UTRN: variants seen among roughly 807,000 people sequenced by gnomAD.
UTRN encodes the protein dystrophin-related protein 1.
In UTRN, 283 loss-of-function variants were observed where a neutral mutation model predicts 463.9. The observed-to-expected ratio is 0.61, with a 90% CI of 0.55 to 0.67. The LOEUF is 0.67. UTRN is among the 30% of genes least tolerant of loss of function. The probability of loss-of-function intolerance (pLI) is 0.00; values close to 1 mark genes in which losing one functional copy is unlikely to be tolerated. For missense variants in UTRN, 3,922 were observed against 4,084.3 expected (o/e 0.96, Z 1.08); for synonymous variants, 1,442 against 1,431.5 (o/e 1.01, Z -0.17).
At chr6:144,349,597 T>G (rs1562279069) in intron 2 of UTRN, among the ~76,000 whole-genome samples, 1 of 152,166 alleles carries the variant, frequency 6.6e-6, no homozygotes, top group Non-Finnish European at 1.5e-5. Context: ...CTCTTTTAGG[T>G]AGAGTCTAGG....
chr6:144,391,590 C>T (rs765418642), intron 2 of UTRN, among the ~76,000 whole-genome samples: 5 of 152,086 alleles, frequency 3.3e-5, no homozygotes, highest in Non-Finnish European at 2.9e-5. Flanking sequence ...CAAGTAGGCT[C>T]GAAAAACAGT....
At chr6:144,630,919 T>TA (rs1046291874) in intron 51 of UTRN, among the ~76,000 whole-genome samples, 22 of 151,962 alleles carry the variant, frequency 1.4e-4, no homozygotes, top group African/African-American at 5.1e-4. Flanking sequence ...CATCTGCATG[T>TA]AAAAAAAAGA....
At chr6:144,539,126 C>G (rs926062325) in intron 44 of UTRN, among the ~76,000 whole-genome samples, 168 bp from the exon 45 acceptor site, 1 of 152,196 alleles carries the variant, frequency 6.6e-6, no homozygotes, top group African/African-American at 2.4e-5. Context: ...CACTCCCTTC[C>G]TAGTTATCAT....
intron 48 of UTRN, among the ~76,000 whole-genome samples, chr6:144,553,492 G>A (rs912560521): frequency 1.3e-5 from 2 of 152,246 alleles, no homozygotes; most frequent in Middle Eastern, 3.4e-3. Flanking sequence ...GATATCCAAA[G>A]CATCTTTCAG....
At chr6:144,403,649 T>C (rs1247730476) in intron 3 of UTRN, among the ~76,000 whole-genome samples, 3 of 152,226 alleles carry the variant, frequency 2.0e-5, no homozygotes, top group Non-Finnish European at 2.9e-5. Flanking sequence ...TGGGTTGTTT[T>C]TTCTTGTGTA....
intron 42 of UTRN, among the ~76,000 whole-genome samples, chr6:144,532,134 CAATAAATAAATA>C (rs34622000): frequency 6.6e-6 from 1 of 151,100 alleles, no homozygotes; most frequent in African/African-American, 2.4e-5. Context: ...AATACTGTGT[CAATAAATAAATA>C]AATAAATAAA....
chr6:144,646,271 T>A (rs1332202837), intron 51 of UTRN, among the ~76,000 whole-genome samples: 1 of 152,208 alleles, frequency 6.6e-6, no homozygotes, highest in Non-Finnish European at 1.5e-5. Context: ...AAGTGTATGA[T>A]GAGTCAACAC....
intron 43 of UTRN, 39 bp downstream of exon 43, chr6:144,533,299 C>A: frequency 6.2e-7 from 1 of 1,601,152 alleles, no homozygotes; most frequent in Admixed American, 1.7e-5. Context: ...CAGGAGTGAA[C>A]ATATTTTGGA....
intron 2 of UTRN, among the ~76,000 whole-genome samples, chr6:144,367,423 T>C (rs1435474476): frequency 2.6e-5 from 4 of 152,190 alleles, no homozygotes; most frequent in Admixed American, 2.6e-4. Context: ...ATGTGAATTT[T>C]ATTTTATAGA....
intron 51 of UTRN, among the ~76,000 whole-genome samples, chr6:144,615,517 C>T (rs1233109897): frequency 1.3e-5 from 2 of 152,230 alleles, no homozygotes; most frequent in East Asian, 3.9e-4. Flanking sequence ...AGGACTTTTT[C>T]ATTCAGTTAG....
chr6:144,827,278 A>C (rs958787261), intron 66 of UTRN, 70 bp from the exon 67 acceptor site: 5 of 1,578,368 alleles, frequency 3.2e-6, no homozygotes, highest in African/African-American at 2.7e-5. Context: ...CCACACCCCC[A>C]CTGCTTTTGT....
At chr6:144,686,086 T>C (rs1368538232) in intron 52 of UTRN, among the ~76,000 whole-genome samples, 1 of 152,084 alleles carries the variant, frequency 6.6e-6, no homozygotes, top group African/African-American at 2.4e-5. Context: ...TAGTGAGAAA[T>C]AGGAATTCAG....
In UTRN at chr6:144,367,850, C is replaced by T. The variant is rs150977264; in HGVS notation, c.80-35273C>T. Among the ~76,000 whole-genome samples the T allele has an allele frequency of 2.7e-3, 415 of 152,202 alleles. 2 individuals are homozygous for T. Among genetic ancestry groups the T allele is most frequent in the African/African-American group, 8.9e-3 (370 of 41,520 alleles). On this transcript the variant is annotated intron_variant, in intron 2 of 74. Transcript: ENST00000367545. ...AGGCTGGAGTGCAGTAGTGCGATCT[C>T]GGCTCACTCCAACCTCTGCCTTCTG...
intron 33 of UTRN, among the ~76,000 whole-genome samples, chr6:144,495,069 G>A (rs1399263184): frequency 6.6e-6 from 1 of 152,226 alleles, no homozygotes; most frequent in African/African-American, 2.4e-5. Flanking sequence ...CCAGACCCAG[G>A]AGTCCAGCTG....
chr6:144,345,503 C>T (rs1777491147), intron 2 of UTRN, among the ~76,000 whole-genome samples: 1 of 152,000 alleles, frequency 6.6e-6, no homozygotes, highest in African/African-American at 2.4e-5. Context: ...AGGGAGATTC[C>T]ATCTCTACAA....
At chr6:144,567,797 G>A (rs936833989) in intron 50 of UTRN, among the ~76,000 whole-genome samples, 3 of 151,850 alleles carry the variant, frequency 2.0e-5, no homozygotes, top group African/African-American at 4.8e-5. Context: ...CCAAAATTTG[G>A]CAACACACAT....
intron 72 of UTRN, among the ~76,000 whole-genome samples, chr6:144,839,740 A>T (rs1214920545): frequency 1.3e-5 from 2 of 152,168 alleles, no homozygotes; most frequent in Non-Finnish European, 2.9e-5. Context: ...TGCCTGTCCC[A>T]TCAGAGGCAG....
intron 54 of UTRN, among the ~76,000 whole-genome samples, chr6:144,730,746 T>G (rs1788433942): frequency 6.6e-6 from 1 of 151,940 alleles, no homozygotes; most frequent in South Asian, 2.1e-4. Flanking sequence ...AAGTGTACTG[T>G]AACTATAAAA....
At chr6:144,594,799 C>T (rs1490196730) in intron 51 of UTRN, among the ~76,000 whole-genome samples, 1 of 152,080 alleles carries the variant, frequency 6.6e-6, no homozygotes, top group Admixed American at 6.6e-5. Context: ...ACCGCACTGC[C>T]CCAGCCCTAG....
Sources: allele counts gnomAD v4.1 joint callset (sites outside exome capture counted in the v4.1 genomes callset), GRCh38; gene constraint gnomAD v4.1.1; transcripts MANE v1.5; gene names NCBI Gene and HGNC (gene_info 2026-07-23, HGNC 2026-07-21).